HEPHL1: variants seen among roughly 807,000 people sequenced by gnomAD.
HEPHL1 encodes ferroxidase HEPHL1.
Under a neutral mutation model 122.0 loss-of-function variants are expected in HEPHL1, and 123 were observed. The ratio of observed to expected loss-of-function variants is 1.01; its 90% CI spans 0.87 to 1.17. The LOEUF (loss-of-function observed/expected upper bound fraction) is 1.17. Among genes scored for constraint, HEPHL1 ranks in the 50% most tolerant of loss-of-function variants. The probability of loss-of-function intolerance (pLI) is 0.00; values close to 1 mark genes in which losing one functional copy is unlikely to be tolerated. For missense variants in HEPHL1, 1,452 were observed against 1,430.5 expected, an observed-to-expected ratio of 1.01 and a Z score of -0.24; for synonymous variants, 527 against 508.9, an observed-to-expected ratio of 1.04 and a Z score of -0.48.
At chr11:94,045,582 C>A in intron 1 of HEPHL1, 91 bp from the exon 2 acceptor site, 2 of 1,096,192 alleles carry the variant, frequency 1.8e-6, no homozygotes, top group Non-Finnish European at 2.6e-6. Context: ...AATGAGAGGT[C>A]ATACATGCAA....
chr11:94,063,655 C>A lies in HEPHL1; in HGVS notation c.563C>A (p.Ser188Ter), dbSNP rs769894247. 1.5e-5 allele frequency: 24 copies of A among 1,613,748 alleles called. No individual in the cohort carries two copies. The highest frequency in any genetic ancestry group is 2.0e-5 in the Non-Finnish European group (24 of 1,179,844). Reference sequence around the variant, plus strand: ...AACTGCCTGACCTGGGTGTACCATTCGCACATCGACGCCCCAAAGGACATC... The same window carrying A: ...AACTGCCTGACCTGGGTGTACCATTAGCACATCGACGCCCCAAAGGACATC... ...DANCLTWVYH[S>*]HIDAPKDICS... The change falls in exon 3 of 20, where the codon TCG becomes TAG. Residue 188 changes from serine (S) to a stop codon, truncating the protein, a stop_gained. Coordinates refer to ENST00000315765, the MANE Select transcript of HEPHL1 (RefSeq NM_001098672.2). LOFTEE classifies it high-confidence loss of function.
chr11:94,063,898 A>G (rs766334499), intron 3 of HEPHL1, among the ~76,000 whole-genome samples, 178 bp downstream of exon 3: 1 of 152,252 alleles, frequency 6.6e-6, no homozygotes, highest in Non-Finnish European at 1.5e-5. Context: ...ATTTTTGTCT[A>G]AGAATCATCA....
At position 94,030,067 on chromosome 11, in the gene HEPHL1, T is replaced by C. The variant is rs138378483; in HGVS notation, c.170+8529T>C. Among the ~76,000 whole-genome samples the C allele has an allele frequency of 1.2e-4, 19 of 152,334 alleles. No individual in the cohort carries two copies. In the East Asian group the frequency reaches 2.3e-3, roughly 19 times the overall value. On this transcript the variant is annotated intron_variant, in intron 1 of 19. Coordinates refer to ENST00000315765, the MANE Select transcript of HEPHL1 (RefSeq NM_001098672.2). The stretch of plus-strand genomic sequence containing the variant: ...GCAGTGGGAGAACAGGGTAGAGAAG[T>C]AGAGTCCAATGTCCATCCTTCCCTA...
At chr11:94,088,200 A>G (rs1416074363) in intron 11 of HEPHL1, among the ~76,000 whole-genome samples, 1 of 152,228 alleles carries the variant, frequency 6.6e-6, no homozygotes, top group Non-Finnish European at 1.5e-5. Context: ...TTCATTTAGC[A>G]TAATGTAGAC....
chr11:94,060,442 C>G (rs1945978556), intron 2 of HEPHL1, among the ~76,000 whole-genome samples: 1 of 151,974 alleles, frequency 6.6e-6, no homozygotes, highest in Admixed American at 6.6e-5. Flanking sequence ...TACTGAAAGG[C>G]TACTATATAC....
rs967189432 is a variant in HEPHL1, at chr11:94,067,474, A to G, written c.809-22A>G. The G allele has an allele frequency of 3.1e-6, 5 of 1,609,482 alleles. No individual in the cohort carries two copies. In the African/African-American group the frequency reaches 5.3e-5, roughly 17 times the overall value. Reference sequence around the variant, plus strand: ...TCGCCTCTGCAGGGGAGTCTCTTCCACTAGCGTGTTTCTGTTTCCAGCCCT... The same window carrying G: ...TCGCCTCTGCAGGGGAGTCTCTTCCGCTAGCGTGTTTCTGTTTCCAGCCCT... On this transcript the variant is annotated intron_variant, in intron 4 of 19. Transcript: ENST00000315765.
chr11:94,111,681 C>T lies in HEPHL1; in HGVS notation c.3278-11C>T. The stretch of plus-strand genomic sequence containing the variant: ...AATGTCAGGGGCCTGACAAGTTTAT[C>T]TTTTTCACAGAACGACCTGGCAAAG... On this transcript the variant is annotated splice_polypyrimidine_tract_variant and intron_variant, in intron 19 of 19. Coordinates refer to ENST00000315765, the MANE Select transcript of HEPHL1 (RefSeq NM_001098672.2). 3 of 1,612,884 alleles carry T rather than the reference C, an allele frequency of 1.9e-6. No homozygotes were observed. The highest frequency in any genetic ancestry group is 2.2e-5 in the East Asian group (1 of 44,858).
rs1218259672 is a variant in HEPHL1, at chr11:94,058,492, T to G, written c.416-5016T>G. Among the ~76,000 whole-genome samples the G allele has an allele frequency of 3.1e-4, 47 of 152,136 alleles. 1 individual carries two copies. The highest frequency in any genetic ancestry group is 3.1e-3 in the Admixed American group (47 of 15,252). ...AGAAGAGTAAATATACAGTTGTTGCTTCCAAAATATCATCCAGGGGAGGGG... is the reference window on the plus strand; with the variant it reads ...AGAAGAGTAAATATACAGTTGTTGCGTCCAAAATATCATCCAGGGGAGGGG... On this transcript the variant is annotated intron_variant, in intron 2 of 19. Coordinates refer to ENST00000315765, the MANE Select transcript of HEPHL1 (RefSeq NM_001098672.2).
chr11:94,068,922 T>A (rs1414552462), intron 5 of HEPHL1, among the ~76,000 whole-genome samples: 1 of 152,196 alleles, frequency 6.6e-6, no homozygotes, highest in African/African-American at 2.4e-5. Flanking sequence ...GCTGCTTTTG[T>A]AACACATTCT....
intron 12 of HEPHL1, among the ~76,000 whole-genome samples, 196 bp downstream of exon 12, chr11:94,089,164 C>T (rs948556859): frequency 6.6e-6 from 1 of 152,210 alleles, no homozygotes; most frequent in African/African-American, 2.4e-5. Flanking sequence ...TCTCGCAGGC[C>T]CTCGGCGGGC....
intron 13 of HEPHL1, among the ~76,000 whole-genome samples, chr11:94,095,702 G>A (rs1946305631): frequency 6.6e-6 from 1 of 152,134 alleles, no homozygotes; most frequent in South Asian, 2.1e-4. Context: ...ATTTTGTTGA[G>A]CAGTGGTTTG....
intron 13 of HEPHL1, among the ~76,000 whole-genome samples, chr11:94,100,124 G>T (rs949921485): frequency 6.6e-6 from 1 of 152,180 alleles, no homozygotes; most frequent in Non-Finnish European, 1.5e-5. Flanking sequence ...GCTGTAGACT[G>T]GAGCTGTTCC....
chr11:94,093,357 G>A, intron 12 of HEPHL1, 144 bp from the exon 13 acceptor site: 1 of 856,876 alleles, frequency 1.2e-6, no homozygotes, highest in Non-Finnish European at 1.9e-6. Context: ...AGAAAGTATG[G>A]TGCAAAAGGC....
chr11:94,021,441 G>A lies in HEPHL1; in HGVS notation c.73G>A (p.Val25Ile), dbSNP rs1945580254. 2 of 1,613,394 alleles carry A rather than the reference G, an allele frequency of 1.2e-6. No individual in the cohort carries two copies. Among genetic ancestry groups the A allele is most frequent in the East Asian group, 2.2e-5 (1 of 44,886 alleles). Residue 25 changes from valine to isoleucine, a missense_variant, in exon 1 of 20, where the codon GTT (valine) becomes ATT (isoleucine). Physicochemically the swap from Val to Ile is conservative, Grantham distance 29 (BLOSUM62 3). Coordinates refer to ENST00000315765, the MANE Select transcript of HEPHL1 (RefSeq NM_001098672.2). ...GGGTCTGTCTGGGCTGGTTGGCACA[G>A]TTACCAGAACGTACTACATTGGGAT... ...FLGLSGLVGT[V>I]TRTYYIGIVE...
chr11:94,059,680 A>G (rs1945968065), intron 2 of HEPHL1, among the ~76,000 whole-genome samples: 1 of 152,172 alleles, frequency 6.6e-6, no homozygotes, highest in African/African-American at 2.4e-5. Context: ...TAAATTACCT[A>G]TCTCCAAGTC....
chr11:94,051,988 A>G (rs988500914), intron 2 of HEPHL1, among the ~76,000 whole-genome samples: 1 of 151,788 alleles, frequency 6.6e-6, no homozygotes, highest in African/African-American at 2.4e-5. Flanking sequence ...ATTCTGTTCC[A>G]TTTGTCTGTG....
At chr11:94,047,473 T>C (rs1273677547) in intron 2 of HEPHL1, among the ~76,000 whole-genome samples, 2 of 152,190 alleles carry the variant, frequency 1.3e-5, no homozygotes, top group Non-Finnish European at 2.9e-5. Flanking sequence ...GGTTTTCTCT[T>C]CCTGTGTTAG....
intron 9 of HEPHL1, among the ~76,000 whole-genome samples, chr11:94,078,446 C>CACATATATATATATAT (rs1946143444): frequency 9.0e-6 from 1 of 111,480 alleles, no homozygotes; most frequent in Non-Finnish European, 1.8e-5. Flanking sequence ...TCAGATGTTC[C>CACATATATATATATAT]ATATATATAT....
At chr11:94,105,483 T>C (rs1050014335) in intron 16 of HEPHL1, among the ~76,000 whole-genome samples, 5 of 152,198 alleles carry the variant, frequency 3.3e-5, no homozygotes, top group African/African-American at 1.2e-4. Context: ...GTCACCATCA[T>C]GTAAACTCAG....
Sources: gnomAD v4.1 joint callset for allele counts (sites outside exome capture counted in the v4.1 genomes callset) on GRCh38, gnomAD v4.1.1 for gene constraint, MANE v1.5 for transcripts, NCBI Gene and HGNC (gene_info 2026-07-23, HGNC 2026-07-21) for gene names.